NTN1: variants seen among roughly 807,000 people sequenced by gnomAD.
The protein encoded by NTN1 is netrin 1.
In NTN1, 11 loss-of-function variants were observed where a neutral mutation model predicts 54.2. The observed-to-expected ratio is 0.20, with a 90% CI of 0.13 to 0.34. NTN1 has a LOEUF of 0.34. NTN1 is among the 10% of genes least tolerant of loss of function. NTN1 has a pLI of 1.00. For synonymous variants in NTN1, 371 were observed against 382.0 expected, an observed-to-expected ratio of 0.97 and a Z score of 0.33; for missense variants, 740 against 893.1, an observed-to-expected ratio of 0.83 and a Z score of 2.18.
chr17:9,087,674 A>G (rs2092094189), intron 2 of NTN1, among the ~76,000 whole-genome samples: 1 of 152,182 alleles, frequency 6.6e-6, no homozygotes, highest in African/African-American at 2.4e-5. Flanking sequence ...CTTCTCCACA[A>G]TTACCCAGAG....
chr17:9,193,920 T>TAAAAAAAAAAAAAAAAAAAAAAC (rs1904539355), intron 5 of NTN1, among the ~76,000 whole-genome samples: 1 of 44,904 alleles, frequency 2.2e-5, no homozygotes, highest in African/African-American at 1.1e-4. Context: ...AAACTCCGAC[T>TAAAAAAAAAAAAAAAAAAAAAAC]AAAAAAAAAA....
intron 2 of NTN1, among the ~76,000 whole-genome samples, chr17:9,054,762 G>T (rs1250568592): frequency 1.4e-5 from 2 of 145,400 alleles, no homozygotes; most frequent in East Asian, 4.1e-4. Flanking sequence ...GGTGGGCCCG[G>T]AGCCGGAGTC....
At chr17:9,012,743 T>C in the NTN1 span, among the ~76,000 whole-genome samples, 2 of 152,090 alleles carry the variant, frequency 1.3e-5, no homozygotes, top group Non-Finnish European at 1.5e-5. Flanking sequence ...TTCCCTCCCC[T>C]GCTTTGTTTG....
the NTN1 span, among the ~76,000 whole-genome samples, chr17:9,003,518 T>G: frequency 2.0e-5 from 3 of 149,328 alleles, no homozygotes; most frequent in African/African-American, 7.3e-5. This position sits in a 1 kb window ranked among gnomAD's most constrained non-coding sequence, Gnocchi z 7.4. Context: ...CCGGGTCCTT[T>G]GTAGCCCGCT....
At chr17:9,146,683 A>T (rs997518606) in intron 2 of NTN1, among the ~76,000 whole-genome samples, 33 of 152,120 alleles carry the variant, frequency 2.2e-4, no homozygotes, top group African/African-American at 7.7e-4. Context: ...AGGCGGGACA[A>T]TGTCTCTGAT....
rs1200262910 is a variant in NTN1, at chr17:9,219,086, AG to A, written c.1412-2081del. On this transcript the variant is annotated intron_variant, in intron 5 of 6. Transcript: ENST00000173229. This position sits in a 1 kb window ranked among gnomAD's most constrained non-coding sequence, Gnocchi z 4.5. ...TTACGCACAACCTGGGTTCAGCCCC[AG>A]CAGTGGCTTTATTGTGAGCGTCATC... Among the ~76,000 whole-genome samples the A allele has an allele frequency of 2.6e-5, 4 of 152,236 alleles. No homozygotes were observed. The highest frequency in any genetic ancestry group is 9.6e-5 in the African/African-American group (4 of 41,456).
At position 9,135,955 on chromosome 17, in the gene NTN1, T is replaced by C. The variant is rs2092279717; in HGVS notation, c.1019-26858T>C. Among the ~76,000 whole-genome samples the C allele has an allele frequency of 6.6e-6, 1 of 152,222 alleles. No individual in the cohort carries two copies. Among genetic ancestry groups the C allele is most frequent in the South Asian group, 2.1e-4 (1 of 4,838 alleles). On this transcript the variant is annotated intron_variant, in intron 2 of 6. Coordinates refer to ENST00000173229, the MANE Select transcript of NTN1 (RefSeq NM_004822.3). The surrounding 1 kb of genome is among the most constrained non-coding windows in gnomAD (Gnocchi z 4.4). The stretch of plus-strand genomic sequence containing the variant: ...CTGTGTGCGCACGCTCACTCATACA[T>C]GTGTGCACGTGCCTACTCAAACTCG...
rs1348138096 is a variant in NTN1 at position 9,221,778 on chromosome 17, T to A, written c.1486+536T>A. Among the ~76,000 whole-genome samples, 1 of 152,114 alleles carries A rather than the reference T, an allele frequency of 6.6e-6. No individual in the cohort carries two copies. Among genetic ancestry groups the A allele is most frequent in the Non-Finnish European group, 1.5e-5 (1 of 68,010 alleles). Reference sequence around the variant, plus strand: ...CCCAGACCCATGGAGCAGACAGTCCTGGGGGCCACCTGCAGAGATTGCTTG... The same window carrying A: ...CCCAGACCCATGGAGCAGACAGTCCAGGGGGCCACCTGCAGAGATTGCTTG... On this transcript the variant is annotated intron_variant, in intron 6 of 6. Transcript: ENST00000173229. This position sits in a 1 kb window ranked among gnomAD's most constrained non-coding sequence, Gnocchi z 4.5.
intron 2 of NTN1, among the ~76,000 whole-genome samples, chr17:9,119,609 C>T (rs1359241930): frequency 7.9e-5 from 12 of 151,486 alleles, no homozygotes; most frequent in Non-Finnish European, 1.8e-4. Context: ...AATGATCCTC[C>T]TGCTTCAGCC....
chr17:9,051,388 G>A (rs373244656), intron 2 of NTN1, among the ~76,000 whole-genome samples: 16 of 152,244 alleles, frequency 1.1e-4, no homozygotes, highest in Admixed American at 2.0e-4. Context: ...GTCCGGATTC[G>A]TTAGAGGTAA....
At chr17:9,143,766 A>T (rs1257789851) in intron 2 of NTN1, among the ~76,000 whole-genome samples, 1 of 152,220 alleles carries the variant, frequency 6.6e-6, no homozygotes, top group Non-Finnish European at 1.5e-5. Flanking sequence ...GTCTGTCTTA[A>T]CTGGGAGGTC....
At chr17:9,226,280 C>G (rs924934101) in intron 6 of NTN1, among the ~76,000 whole-genome samples, 1 of 152,102 alleles carries the variant, frequency 6.6e-6, no homozygotes, top group African/African-American at 2.4e-5. Flanking sequence ...GGACAGGGAG[C>G]TTCGCCGCCG....
chr17:9,044,640 C>T (rs1356962510), intron 2 of NTN1, among the ~76,000 whole-genome samples: 1 of 152,216 alleles, frequency 6.6e-6, no homozygotes, highest in Non-Finnish European at 1.5e-5. Flanking sequence ...AAGAGGAATC[C>T]TGTTTGTAGG....
intron 2 of NTN1, among the ~76,000 whole-genome samples, chr17:9,107,780 G>A (rs1028723151): frequency 3.9e-5 from 6 of 152,246 alleles, no homozygotes; most frequent in African/African-American, 7.2e-5. Flanking sequence ...CTGCAATGTC[G>A]GTGTTAAGTC....
At chr17:9,187,569 C>A (rs1223306434) in intron 5 of NTN1, among the ~76,000 whole-genome samples, 1 of 139,740 alleles carries the variant, frequency 7.2e-6, no homozygotes, top group Non-Finnish European at 1.5e-5. Flanking sequence ...CCAACCACCT[C>A]GGGAGGCTGA....
intron 2 of NTN1, among the ~76,000 whole-genome samples, chr17:9,029,394 T>C (rs1195377049): frequency 6.6e-6 from 1 of 152,208 alleles, no homozygotes; most frequent in South Asian, 2.1e-4. Context: ...CGGCTTATTC[T>C]GTGACACTGT....
intron 2 of NTN1, among the ~76,000 whole-genome samples, chr17:9,117,930 A>G (rs925286069): frequency 6.6e-6 from 1 of 152,040 alleles, no homozygotes; most frequent in Non-Finnish European, 1.5e-5. Context: ...TGTCCCCCTC[A>G]TGTTGGAAGT....
intron 2 of NTN1, among the ~76,000 whole-genome samples, chr17:9,087,435 C>T (rs1280129885): frequency 1.3e-5 from 2 of 152,126 alleles, no homozygotes; most frequent in East Asian, 3.8e-4. Context: ...TTTTGGACTT[C>T]GTCTTGATGA....
chr17:9,076,253 TC>T lies in NTN1; in HGVS notation c.1018+52864del, dbSNP rs368739818. Among the ~76,000 whole-genome samples the T allele has an allele frequency of 1.5e-4, 23 of 152,220 alleles. No homozygotes were observed. The East Asian group carries it at 4.5e-3, about 29-fold the overall frequency. On this transcript the variant is annotated intron_variant, in intron 2 of 6. Coordinates refer to ENST00000173229, the MANE Select transcript of NTN1 (RefSeq NM_004822.3). ...CAGGTGGGGAGGGTCTGCAGAGTCC[TC>T]CATCCTCCATCCACACCAGCCTGCA...
Sources: allele counts gnomAD v4.1 joint callset (sites outside exome capture counted in the v4.1 genomes callset), GRCh38; gene constraint gnomAD v4.1.1; non-coding constraint Gnocchi (gnomAD v3.1); transcripts MANE v1.5; gene names NCBI Gene and HGNC (gene_info 2026-07-23, HGNC 2026-07-21).